SPAG16: variants seen among roughly 807,000 people sequenced by gnomAD.
SPAG16 encodes the protein sperm-associated antigen 16 protein.
Under a neutral mutation model 80.4 loss-of-function variants are expected in SPAG16, and 86 were observed. The observed-to-expected ratio is 1.07, with a 90% CI of 0.90 to 1.28. SPAG16 has a LOEUF of 1.28. SPAG16 is among the 50% of genes most tolerant of loss of function. The probability of loss-of-function intolerance (pLI) is 0.00; values close to 1 mark genes in which losing one functional copy is unlikely to be tolerated. For synonymous variants in SPAG16, 294 were observed against 265.9 expected (o/e 1.11, Z -1.03); for missense variants, 870 against 765.3 (o/e 1.14, Z -1.61).
At chr2:214,305,638 C>T (rs1694860863) in intron 15 of SPAG16, among the ~76,000 whole-genome samples, 2 of 152,180 alleles carry the variant, frequency 1.3e-5, no homozygotes, top group African/African-American at 4.8e-5. Flanking sequence ...AAACCTTTTC[C>T]TTATTGCTTG....
At chr2:213,889,975 GT>G (rs1410279269) in intron 11 of SPAG16, among the ~76,000 whole-genome samples, 1 of 151,934 alleles carries the variant, frequency 6.6e-6, no homozygotes, top group Non-Finnish European at 1.5e-5. Flanking sequence ...ATTTTACAGT[GT>G]GTAAGGTGGT....
At chr2:214,380,540 A>G (rs1700390005) in intron 15 of SPAG16, among the ~76,000 whole-genome samples, 1 of 152,228 alleles carries the variant, frequency 6.6e-6, no homozygotes, top group Non-Finnish European at 1.5e-5. Flanking sequence ...TAAAAATTTA[A>G]AGACCTTGTT....
intron 14 of SPAG16, among the ~76,000 whole-genome samples, chr2:214,129,549 T>C (rs1269121245): frequency 1.3e-5 from 2 of 152,182 alleles, no homozygotes; most frequent in South Asian, 2.1e-4. Flanking sequence ...CCAGAAGATA[T>C]GCAATTGTAA....
At chr2:213,473,185 G>A (rs2073180568) in intron 9 of SPAG16, among the ~76,000 whole-genome samples, 1 of 152,164 alleles carries the variant, frequency 6.6e-6, no homozygotes, top group Non-Finnish European at 1.5e-5. Flanking sequence ...TGATTAATTA[G>A]CCAATGCTAG....
At chr2:213,556,323 A>C (rs905918189) in intron 10 of SPAG16, among the ~76,000 whole-genome samples, 1 of 151,030 alleles carries the variant, frequency 6.6e-6, no homozygotes, top group Non-Finnish European at 1.5e-5. Context: ...AAAAAAAAAA[A>C]AAAACAAGAT....
At chr2:214,315,773 C>T (rs1695652255) in intron 15 of SPAG16, among the ~76,000 whole-genome samples, 1 of 152,096 alleles carries the variant, frequency 6.6e-6, no homozygotes, top group South Asian at 2.1e-4. Context: ...CTCAAGCAAT[C>T]CTTTCACTTT....
At chr2:214,401,895 G>A (rs1225328181) in intron 15 of SPAG16, among the ~76,000 whole-genome samples, 1 of 151,882 alleles carries the variant, frequency 6.6e-6, no homozygotes, top group East Asian at 1.9e-4. Context: ...AAGAAAAATA[G>A]ATATTCTGAA....
intron 10 of SPAG16, among the ~76,000 whole-genome samples, chr2:213,725,818 G>T (rs1003228873): frequency 6.6e-6 from 1 of 152,158 alleles, no homozygotes; most frequent in African/African-American, 2.4e-5. Flanking sequence ...AACCTAAATA[G>T]CTTTATCAAT....
chr2:213,841,163 G>T (rs1356523546), intron 10 of SPAG16, among the ~76,000 whole-genome samples: 1 of 152,002 alleles, frequency 6.6e-6, no homozygotes, highest in Non-Finnish European at 1.5e-5. Context: ...ATGAGAGGGG[G>T]AAAGAAAGAG....
At chr2:214,107,998 C>G (rs753537019) in intron 13 of SPAG16, among the ~76,000 whole-genome samples, 198 bp from the exon 14 acceptor site, 2 of 151,906 alleles carry the variant, frequency 1.3e-5, no homozygotes, top group Non-Finnish European at 2.9e-5. Context: ...GATACCAGTA[C>G]TATGGTATGC....
chr2:214,175,236 TAAAG>T (rs2125647337), intron 15 of SPAG16, among the ~76,000 whole-genome samples: 1 of 97,344 alleles, frequency 1.0e-5, no homozygotes, highest in Non-Finnish European at 2.2e-5. Context: ...TATATATATA[TAAAG>T]AAATGTATAT....
At chr2:214,181,433 C>T (rs1366640707) in intron 15 of SPAG16, among the ~76,000 whole-genome samples, 1 of 151,748 alleles carries the variant, frequency 6.6e-6, no homozygotes, top group Non-Finnish European at 1.5e-5. Flanking sequence ...CCCAGGGGAG[C>T]TTTAGACGTA....
At chr2:214,209,824 ATTAAT>A (rs1417185202) in intron 15 of SPAG16, among the ~76,000 whole-genome samples, 3 of 152,160 alleles carry the variant, frequency 2.0e-5, no homozygotes, top group Non-Finnish European at 4.4e-5. Context: ...TACATAATTG[ATTAAT>A]TTGTCACCAA....
intron 9 of SPAG16, among the ~76,000 whole-genome samples, chr2:213,416,685 T>C (rs1575535596): frequency 6.6e-6 from 1 of 151,884 alleles, no homozygotes; most frequent in Non-Finnish European, 1.5e-5. Context: ...TATCCCGGGG[T>C]GGGGGCTAAA....
At chr2:213,702,328 T>C (rs992120762) in intron 10 of SPAG16, among the ~76,000 whole-genome samples, 2 of 152,228 alleles carry the variant, frequency 1.3e-5, no homozygotes, top group African/African-American at 4.8e-5. Context: ...TTGGGTCTCT[T>C]TTCATGCTGT....
chr2:213,436,327 G>A (rs943215682), intron 9 of SPAG16, among the ~76,000 whole-genome samples: 2 of 152,174 alleles, frequency 1.3e-5, no homozygotes, highest in African/African-American at 4.8e-5. Context: ...CAAAAGATTA[G>A]TCTTGTTTTC....
intron 10 of SPAG16, among the ~76,000 whole-genome samples, chr2:213,767,617 G>A (rs1348102423): frequency 1.3e-5 from 2 of 150,708 alleles, no homozygotes; most frequent in Non-Finnish European, 3.0e-5. Flanking sequence ...AATGGAGTGA[G>A]ATCTTGTCTT....
chr2:213,498,500 A>C (rs2074591234), intron 10 of SPAG16, among the ~76,000 whole-genome samples: 1 of 152,108 alleles, frequency 6.6e-6, no homozygotes, highest in Non-Finnish European at 1.5e-5. Context: ...AAGTAATAAA[A>C]CTTTTATTAG....
chr2:214,232,476 C>A (rs1688763706), intron 15 of SPAG16, among the ~76,000 whole-genome samples: 2 of 151,852 alleles, frequency 1.3e-5, no homozygotes, highest in East Asian at 3.9e-4. Flanking sequence ...GAATTGGTAG[C>A]TATGGAAGAA....
Sources: allele counts gnomAD v4.1 joint callset (sites outside exome capture counted in the v4.1 genomes callset), GRCh38; gene constraint gnomAD v4.1.1; transcripts MANE v1.5; gene names NCBI Gene and HGNC (gene_info 2026-07-23, HGNC 2026-07-21).